The following TMPRSS4 variants were observed in gnomAD, a reference collection of about 807,000 sequenced individuals.
TMPRSS4 encodes the protein transmembrane protease serine 4.
A neutral mutation model predicts 56.4 loss-of-function variants in TMPRSS4; 45 were observed. The observed-to-expected ratio is 0.80, with a 90% CI of 0.63 to 1.02. TMPRSS4 has a LOEUF of 1.02. Among genes scored for constraint, TMPRSS4 ranks in the 50% least tolerant of loss-of-function variants. The probability of loss-of-function intolerance (pLI) is 0.00; values close to 1 mark genes in which losing one functional copy is unlikely to be tolerated. For synonymous variants in TMPRSS4, 205 were observed against 211.0 expected, an observed-to-expected ratio of 0.97 and a Z score of 0.25; for missense variants, 546 against 556.7, an observed-to-expected ratio of 0.98 and a Z score of 0.19.
In TMPRSS4 at chr11:118,094,855, G is replaced by T; in HGVS notation, c.43G>T (p.Asp15Tyr). 6.2e-7 allele frequency: 1 copy of T among 1,612,106 alleles called. No individual in the cohort carries two copies. Among genetic ancestry groups the T allele is most frequent in the Non-Finnish European group, 8.5e-7 (1 of 1,179,230 alleles). ...PDSDQPLNSL[D>Y]VKPLRKPRIP... ...CAGTGATCAACCTCTGAACAGCCTCGGTAAGTTCAGGTCCGGCTTTCATTC... is the reference window on the plus strand; with the variant it reads ...CAGTGATCAACCTCTGAACAGCCTCTGTAAGTTCAGGTCCGGCTTTCATTC... Residue 15 changes from aspartate to tyrosine, a missense_variant and splice_region_variant, in exon 2 of 13, where the codon GAT (aspartate) becomes TAT (tyrosine). Transcript: ENST00000437212.
chr11:118,103,392 G>T, intron 4 of TMPRSS4, 139 bp downstream of exon 4: 1 of 1,154,616 alleles, frequency 8.7e-7, no homozygotes, highest in Non-Finnish European at 1.2e-6. Context: ...TTGTTTGTTT[G>T]TTGTTGTTTT....
chr11:118,115,305 A>T, intron 11 of TMPRSS4, 25 bp downstream of exon 11: 1 of 1,609,872 alleles, frequency 6.2e-7, no homozygotes, highest in Non-Finnish European at 8.5e-7. Context: ...AATCATGGGG[A>T]GTTCTAAGAA....
At chr11:118,099,248 C>T (rs1009484450) in intron 3 of TMPRSS4, 150 bp downstream of exon 3, 6 of 586,530 alleles carry the variant, frequency 1.0e-5, no homozygotes, top group Non-Finnish European at 1.5e-5. Context: ...CCCTCACCCA[C>T]TCAGTAAGTG....
intron 1 of TMPRSS4, chr11:118,087,630 C>T (rs1945653634): frequency 6.6e-6 from 1 of 152,226 alleles, no homozygotes; most frequent in African/African-American, 2.4e-5. Flanking sequence ...TCTGCAGCCA[C>T]TTAAGCTTCA....
chr11:118,117,212 G>A, intron 11 of TMPRSS4, 93 bp from the exon 12 acceptor site: 1 of 1,277,198 alleles, frequency 7.8e-7, no homozygotes, highest in Non-Finnish European at 1.1e-6. Context: ...AGGGAGTGCA[G>A]GGGAACAGAT....
chr11:118,124,949 T>G (rs1947860139), downstream of TMPRSS4, among the ~76,000 whole-genome samples: 1 of 152,234 alleles, frequency 6.6e-6, no homozygotes, highest in South Asian at 2.1e-4. Context: ...CTTACTTCTT[T>G]GAATGGGCCC....
intron 7 of TMPRSS4, among the ~76,000 whole-genome samples, chr11:118,111,041 G>C (rs550625728): frequency 6.6e-6 from 1 of 152,342 alleles, no homozygotes; most frequent in East Asian, 1.9e-4. Flanking sequence ...GTGGCATGAA[G>C]AAAGCAGTGT....
chr11:118,078,550 C>T (rs1193831805), intron 1 of TMPRSS4, among the ~76,000 whole-genome samples: 1 of 152,208 alleles, frequency 6.6e-6, no homozygotes, highest in African/African-American at 2.4e-5. Context: ...AAGCTTCCTG[C>T]TTTCCCATCC....
chr11:118,107,766 G>A lies in TMPRSS4; in HGVS notation c.441-8G>A. The A allele has an allele frequency of 1.2e-6, 2 of 1,613,524 alleles. No homozygotes were observed. Among genetic ancestry groups the A allele is most frequent in the Non-Finnish European group, 1.7e-6 (2 of 1,179,574 alleles). On this transcript the variant is annotated splice_region_variant and splice_polypyrimidine_tract_variant and intron_variant, in intron 5 of 12. Coordinates refer to ENST00000437212, the MANE Select transcript of TMPRSS4 (RefSeq NM_019894.4). The stretch of plus-strand genomic sequence containing the variant: ...CTCACAACTCTCTCTCCCTCTTGAT[G>A]TGAGCAGCAAACCCACTTTCAGAGC...
chr11:118,103,489 C>A (rs1191516507), intron 4 of TMPRSS4, among the ~76,000 whole-genome samples: 2 of 152,202 alleles, frequency 1.3e-5, no homozygotes, highest in Non-Finnish European at 2.9e-5. Context: ...TCAAGTGATT[C>A]TTCTGCCTCA....
intron 3 of TMPRSS4, among the ~76,000 whole-genome samples, chr11:118,101,932 C>T (rs1013671628): frequency 1.3e-5 from 2 of 152,210 alleles, no homozygotes; most frequent in Non-Finnish European, 2.9e-5. Flanking sequence ...GGACCAACCC[C>T]TTCACAGATC....
At chr11:118,087,207 C>T (rs1015556931) in intron 1 of TMPRSS4, among the ~76,000 whole-genome samples, 1 of 152,220 alleles carries the variant, frequency 6.6e-6, no homozygotes, top group African/African-American at 2.4e-5. Context: ...CTGCTTTTCT[C>T]TCTTTGTCCA....
At chr11:118,091,339 C>T (rs562699883) in intron 1 of TMPRSS4, among the ~76,000 whole-genome samples, 2 of 152,260 alleles carry the variant, frequency 1.3e-5, no homozygotes, top group East Asian at 3.9e-4. Context: ...TTCTTGTCAC[C>T]TCCTCTAGGG....
chr11:118,083,165 C>G (rs1021002477), intron 1 of TMPRSS4, among the ~76,000 whole-genome samples: 1 of 152,368 alleles, frequency 6.6e-6, no homozygotes, highest in Non-Finnish European at 1.5e-5. Flanking sequence ...CTTTTGCTCA[C>G]ACATCTGTTT....
At position 118,115,158 on chromosome 11, in the gene TMPRSS4, C is replaced by T; in HGVS notation, c.1030C>T (p.Leu344=). 6.2e-7 allele frequency: 1 copy of T among 1,611,740 alleles called. No homozygotes were observed. The highest frequency in any genetic ancestry group is 8.5e-7 in the Non-Finnish European group (1 of 1,179,312). ...CCCAGGGAAGATGTCTGACATACTG[C>T]TGCAGGCGTCAGTCCAGGTCATTGA... is the stretch of plus-strand genomic sequence containing the variant. ...QNGGKMSDIL[L]QASVQVIDST... is the part of the protein sequence containing the mutation. The change falls in exon 11 of 13, where the codon CTG becomes TTG. Residue 344 remains leucine, a synonymous_variant. Transcript: ENST00000437212.
At chr11:118,104,956 T>C in intron 5 of TMPRSS4, 136 bp downstream of exon 5, 2 of 965,550 alleles carry the variant, frequency 2.1e-6, no homozygotes, top group Non-Finnish European at 3.0e-6. Context: ...AATCCCAGCA[T>C]TTCACTTATA....
intron 6 of TMPRSS4, chr11:118,108,556 G>A (rs1462438252): frequency 2.4e-6 from 1 of 420,356 alleles, no homozygotes; most frequent in African/African-American, 2.0e-5. Flanking sequence ...CACAGACTCT[G>A]TTCCGGGCTC....
chr11:118,106,855 G>A (rs978076267), intron 5 of TMPRSS4: 1 of 152,192 alleles, frequency 6.6e-6, no homozygotes, highest in Non-Finnish European at 1.5e-5. Flanking sequence ...CCTGCCCAAG[G>A]CCACACATCA....
intron 7 of TMPRSS4, among the ~76,000 whole-genome samples, chr11:118,109,755 A>G (rs1440376634): frequency 1.3e-5 from 2 of 152,226 alleles, no homozygotes; most frequent in Admixed American, 6.5e-5. Context: ...GAAGGTCACA[A>G]CGCTGCCTCT....
Sources: gnomAD v4.1 joint callset for allele counts (sites outside exome capture counted in the v4.1 genomes callset) on GRCh38, gnomAD v4.1.1 for gene constraint, MANE v1.5 for transcripts, NCBI Gene and HGNC (gene_info 2026-07-23, HGNC 2026-07-21) for gene names.